The following CNTN5 variants were observed in gnomAD, a reference collection of about 807,000 sequenced individuals.
CNTN5 encodes the protein contactin 5, also known as contactin-5.
CNTN5 carries 77 observed loss-of-function variants against 129.1 expected under a neutral mutation model. The ratio of observed to expected loss-of-function variants is 0.60; its 90% CI spans 0.50 to 0.72. The LOEUF is 0.72. Ranked by LOEUF, CNTN5 falls within the 30% of genes least tolerant of loss-of-function variation. CNTN5 has a pLI of 0.00. For missense variants in CNTN5, 1,478 were observed against 1,328.8 expected (o/e 1.11, Z -1.75); for synonymous variants, 509 against 465.6 (o/e 1.09, Z -1.20).
intron 2 of CNTN5, among the ~76,000 whole-genome samples, chr11:99,428,969 A>C (rs995290091): frequency 3.3e-5 from 5 of 152,142 alleles, no homozygotes; most frequent in Admixed American, 2.6e-4. Context: ...AATTACACAA[A>C]GATAATTCTG....
At chr11:99,763,811 A>C (rs1315319415) in intron 3 of CNTN5, among the ~76,000 whole-genome samples, 2 of 152,078 alleles carry the variant, frequency 1.3e-5, no homozygotes, top group Non-Finnish European at 2.9e-5. Context: ...TGTGTAGAGA[A>C]ATAGAACAAC....
chr11:100,190,298 C>G (rs372024107), intron 13 of CNTN5, among the ~76,000 whole-genome samples: 2 of 151,878 alleles, frequency 1.3e-5, no homozygotes, highest in Admixed American at 6.6e-5. Context: ...TTCAGGTTGC[C>G]GGAGTAGGTC....
chr11:99,169,705 A>C (rs1374817373), intron 1 of CNTN5, among the ~76,000 whole-genome samples: 1 of 152,142 alleles, frequency 6.6e-6, no homozygotes, highest in African/African-American at 2.4e-5. Context: ...GAGGAAGATA[A>C]AGGGTTTACA....
chr11:99,971,653 C>T (rs1197049172), intron 8 of CNTN5, among the ~76,000 whole-genome samples: 2 of 151,836 alleles, frequency 1.3e-5, no homozygotes, highest in South Asian at 2.1e-4. Context: ...CATAGCTTCC[C>T]GTATCTAAGG....
chr11:100,091,424 C>CTTTTTTTTTTTTTTTTTTT (rs60075209), intron 13 of CNTN5, among the ~76,000 whole-genome samples: 1 of 114,440 alleles, frequency 8.7e-6, no homozygotes, highest in Non-Finnish European at 1.7e-5. Context: ...TTTATTTATT[C>CTTTTTTTTTTTTTTTTTTT]TTTTTTTTTT....
intron 2 of CNTN5, among the ~76,000 whole-genome samples, chr11:99,527,778 T>C (rs1023587824): frequency 8.6e-5 from 13 of 151,920 alleles, no homozygotes; most frequent in Non-Finnish European, 1.0e-4. Context: ...AAAATACACC[T>C]CACGAAGGCA....
chr11:100,241,993 C>T (rs73561687), intron 16 of CNTN5, among the ~76,000 whole-genome samples: 3,274 of 152,292 alleles, frequency 0.021, 108 homozygotes, highest in African/African-American at 0.075. Context: ...TTTGCCTTAT[C>T]GTTTCAATGG....
chr11:100,013,259 A>T (rs930346001), intron 9 of CNTN5, among the ~76,000 whole-genome samples: 3 of 152,130 alleles, frequency 2.0e-5, no homozygotes, highest in Admixed American at 2.0e-4. Context: ...TCAGTTAATG[A>T]TTACACTAAA....
At chr11:99,667,474 C>A (rs1952839863) in intron 3 of CNTN5, among the ~76,000 whole-genome samples, 1 of 151,992 alleles carries the variant, frequency 6.6e-6, no homozygotes, top group Non-Finnish European at 1.5e-5. Context: ...GTTGTATATA[C>A]AAGTTAAATA....
intron 3 of CNTN5, among the ~76,000 whole-genome samples, chr11:99,664,790 TTA>T (rs1259027636): frequency 6.6e-6 from 1 of 152,094 alleles, no homozygotes; most frequent in Non-Finnish European, 1.5e-5. Context: ...GAAGAAATAT[TTA>T]TTACTACTGA....
chr11:99,375,776 C>A (rs558812037), intron 2 of CNTN5, among the ~76,000 whole-genome samples: 1 of 152,264 alleles, frequency 6.6e-6, no homozygotes, highest in South Asian at 2.1e-4. Flanking sequence ...TTGGTGAAGT[C>A]AGAAGCTGCA....
intron 3 of CNTN5, among the ~76,000 whole-genome samples, chr11:99,754,304 T>C (rs1200764195): frequency 1.3e-5 from 2 of 152,224 alleles, no homozygotes; most frequent in African/African-American, 4.8e-5. Flanking sequence ...CACATTTCTG[T>C]CTTAAAAGCT....
intron 3 of CNTN5, among the ~76,000 whole-genome samples, chr11:99,724,284 C>T (rs1306227745): frequency 6.6e-6 from 1 of 152,118 alleles, no homozygotes; most frequent in Non-Finnish European, 1.5e-5. Flanking sequence ...TTAACTCTTA[C>T]CAATGTCACA....
intron 13 of CNTN5, among the ~76,000 whole-genome samples, chr11:100,075,595 T>C (rs1376057226): frequency 6.6e-6 from 1 of 152,162 alleles, no homozygotes; most frequent in African/African-American, 2.4e-5. Flanking sequence ...CTAATGGTTA[T>C]AGACTGAGAG....
intron 3 of CNTN5, among the ~76,000 whole-genome samples, chr11:99,699,228 C>T (rs915244058): frequency 6.6e-5 from 10 of 151,404 alleles, no homozygotes; most frequent in African/African-American, 2.2e-4. Context: ...TTAAAATTAA[C>T]TAAGAAAATT....
intron 1 of CNTN5, among the ~76,000 whole-genome samples, chr11:99,223,812 C>T (rs757245277): frequency 6.6e-6 from 1 of 152,134 alleles, no homozygotes; most frequent in African/African-American, 2.4e-5. Flanking sequence ...TATATTCATT[C>T]TAAATTCTGC....
intron 1 of CNTN5, among the ~76,000 whole-genome samples, chr11:99,026,418 T>C (rs900055108): frequency 6.6e-6 from 1 of 151,612 alleles, no homozygotes; most frequent in Non-Finnish European, 1.5e-5. Context: ...ATGATAAGAA[T>C]TTCAAAAGTT....
intron 1 of CNTN5, among the ~76,000 whole-genome samples, chr11:99,301,818 C>T (rs187322613): frequency 1.6e-3 from 236 of 151,490 alleles, no homozygotes; most frequent in African/African-American, 5.1e-3. Context: ...CTAGATAGAC[C>T]GTAAGTTAGG....
chr11:99,148,223 T>G (rs1000681151), intron 1 of CNTN5, among the ~76,000 whole-genome samples: 3 of 152,170 alleles, frequency 2.0e-5, no homozygotes, highest in African/African-American at 7.2e-5. Flanking sequence ...GATAAGTGAC[T>G]TTATTATAAA....
Sources: allele counts gnomAD v4.1 joint callset (sites outside exome capture counted in the v4.1 genomes callset), GRCh38; gene constraint gnomAD v4.1.1; transcripts MANE v1.5; gene names NCBI Gene and HGNC (gene_info 2026-07-23, HGNC 2026-07-21).